GLCCI1: variants seen among roughly 807,000 people sequenced by gnomAD.
GLCCI1 encodes glucocorticoid induced 1, also known as glucocorticoid-induced transcript 1 protein.
A neutral mutation model predicts 52.2 loss-of-function variants in GLCCI1; 24 were observed. The observed-to-expected ratio is 0.46, with a 90% CI of 0.33 to 0.65. The LOEUF (loss-of-function observed/expected upper bound fraction) is 0.65, where lower values mean the gene tolerates loss of function less well. GLCCI1 is among the 30% of genes least tolerant of loss of function. The pLI is 0.02. For synonymous variants in GLCCI1, 310 were observed against 276.5 expected (o/e 1.12, Z -1.20); for missense variants, 704 against 701.5 (o/e 1.00, Z -0.04).
chr7:8,067,788 C>T (rs1259070021), intron 5 of GLCCI1, among the ~76,000 whole-genome samples: 1 of 152,110 alleles, frequency 6.6e-6, no homozygotes, highest in Admixed American at 6.5e-5. Flanking sequence ...AACATTTTTT[C>T]TTTCATTCCA....
chr7:8,022,433 G>A (rs752327471), intron 2 of GLCCI1, 50 bp from the exon 3 acceptor site: 42 of 1,023,948 alleles, frequency 4.1e-5, no homozygotes, highest in African/African-American at 5.1e-5. Flanking sequence ...CTTGAGATTA[G>A]GAAGTAGAGA....
rs115480121 is a variant in GLCCI1 at position 8,078,405 on chromosome 7, T to C, written c.1178-6492T>C. On this transcript the variant is annotated intron_variant, in intron 6 of 7. Coordinates refer to ENST00000223145, the MANE Select transcript of GLCCI1 (RefSeq NM_138426.4). ...ATAAGTAGCCATGTTAATAGTCTAG[T>C]CTTGTGATTTTCAAACTTGATTTAT... 8.3e-3 allele frequency among the ~76,000 whole-genome samples: 1,270 copies of C among 152,120 alleles called. 19 individuals carry two copies. The highest frequency in any genetic ancestry group is 0.028 in the African/African-American group (1,171 of 41,462).
chr7:8,078,126 C>T (rs528690205), intron 6 of GLCCI1, among the ~76,000 whole-genome samples: 4 of 143,280 alleles, frequency 2.8e-5, no homozygotes, highest in East Asian at 4.4e-4. Context: ...CCCAGCTACT[C>T]GGGAGGCTGA....
intron 1 of GLCCI1, 147 bp from the exon 2 acceptor site, chr7:8,003,761 T>C (rs1397719374): frequency 4.9e-6 from 3 of 617,274 alleles, no homozygotes; most frequent in Non-Finnish European, 8.1e-6. Flanking sequence ...TTCATACATT[T>C]CATCTGATCA....
chr7:8,052,109 A>AT lies in GLCCI1; in HGVS notation c.697-3313dup, dbSNP rs561763058. On this transcript the variant is annotated intron_variant, in intron 3 of 7. Coordinates refer to ENST00000223145, the MANE Select transcript of GLCCI1 (RefSeq NM_138426.4). ...GTAGATGTAGCCCCATTAGCATAAG[A>AT]TTTTTTTTTTTAAAGGGCAGTGTCT... 2.1e-3 allele frequency among the ~76,000 whole-genome samples: 309 copies of AT among 148,776 alleles called. 3 individuals are homozygous for AT. Among genetic ancestry groups the AT allele is most frequent in the African/African-American group, 5.6e-3 (228 of 40,716 alleles).
chr7:8,077,240 T>C (rs879063565), intron 6 of GLCCI1, among the ~76,000 whole-genome samples: 6 of 152,174 alleles, frequency 3.9e-5, no homozygotes, highest in Admixed American at 3.9e-4. Flanking sequence ...TCCTCCCCCA[T>C]TATCTTTTGT....
chr7:8,061,365 G>A (rs1233914235), intron 5 of GLCCI1, among the ~76,000 whole-genome samples: 1 of 152,154 alleles, frequency 6.6e-6, no homozygotes, highest in Non-Finnish European at 1.5e-5. Flanking sequence ...CTCCCAAAGT[G>A]CTGGGATTAC....
intron 3 of GLCCI1, among the ~76,000 whole-genome samples, chr7:8,040,038 A>G (rs954012369): frequency 2.0e-5 from 3 of 151,688 alleles, no homozygotes; most frequent in African/African-American, 7.3e-5. Context: ...TTCCCTACAC[A>G]ATATATCCAT....
chr7:7,985,399 T>C (rs1480517795), intron 1 of GLCCI1, among the ~76,000 whole-genome samples: 2 of 152,200 alleles, frequency 1.3e-5, no homozygotes, highest in Admixed American at 1.3e-4. Context: ...CACTTTTTCA[T>C]AATACTTTAG....
chr7:8,077,232 C>A (rs148900653), intron 6 of GLCCI1, among the ~76,000 whole-genome samples: 213 of 152,252 alleles, frequency 1.4e-3, no homozygotes, highest in African/African-American at 5.0e-3. Flanking sequence ...TGGAGTTTTC[C>A]TCCCCCATTA....
chr7:8,015,225 T>C (rs1781352246), intron 2 of GLCCI1, among the ~76,000 whole-genome samples: 1 of 152,240 alleles, frequency 6.6e-6, no homozygotes, highest in South Asian at 2.1e-4. Flanking sequence ...GGGAGGACTT[T>C]AGTCAAAGGA....
intron 1 of GLCCI1, among the ~76,000 whole-genome samples, chr7:7,994,836 A>G (rs1780907625): frequency 6.6e-6 from 1 of 152,234 alleles, no homozygotes; most frequent in Non-Finnish European, 1.5e-5. Context: ...TGGACAGAAA[A>G]TGCTACATAT....
intron 2 of GLCCI1, among the ~76,000 whole-genome samples, chr7:8,011,785 T>C (rs1781266698): frequency 6.6e-6 from 1 of 151,312 alleles, no homozygotes; most frequent in African/African-American, 2.4e-5. Context: ...GTCCAGTTGT[T>C]TTTTCTTGTT....
At chr7:7,984,458 T>C in intron 1 of GLCCI1, among the ~76,000 whole-genome samples, 1 of 150,078 alleles carries the variant, frequency 6.7e-6, no homozygotes, top group African/African-American at 2.4e-5. Flanking sequence ...CTAAAGACTG[T>C]GGTAATACTG....
chr7:8,069,454 C>G (rs932673244), intron 5 of GLCCI1, among the ~76,000 whole-genome samples: 3 of 152,170 alleles, frequency 2.0e-5, no homozygotes, highest in African/African-American at 4.8e-5. Flanking sequence ...TCGGTTGCCT[C>G]TGGGAGCTCC....
intron 6 of GLCCI1, among the ~76,000 whole-genome samples, chr7:8,077,971 A>G (rs2127967357): frequency 1.3e-5 from 2 of 152,170 alleles, no homozygotes; most frequent in South Asian, 4.2e-4. Context: ...GCGGTGGCTC[A>G]CGCCTGTAAT....
In GLCCI1 at chr7:8,035,245, T is replaced by A. The variant is rs7811734; in HGVS notation, c.696+12676T>A. Among the ~76,000 whole-genome samples, 521 of 152,294 alleles carry A rather than the reference T, an allele frequency of 3.4e-3. 4 individuals are homozygous for A. The highest frequency in any genetic ancestry group is 0.01 in the Middle Eastern group (3 of 294). ...TGTCCTTTGCCCGAGAACTCCCCAC[T>A]TGGCTGAGAGTGACTGCTACTTCCA... is the stretch of plus-strand genomic sequence containing the variant. On this transcript the variant is annotated intron_variant, in intron 3 of 7. Coordinates refer to ENST00000223145, the MANE Select transcript of GLCCI1 (RefSeq NM_138426.4).
At chr7:7,977,619 T>A in intron 1 of GLCCI1, among the ~76,000 whole-genome samples, 1 of 152,314 alleles carries the variant, frequency 6.6e-6, no homozygotes, top group Middle Eastern at 3.4e-3. Context: ...GCATCTTATC[T>A]TCTGTGTCTT....
chr7:8,038,883 G>A (rs940963716), intron 3 of GLCCI1, among the ~76,000 whole-genome samples: 1 of 152,020 alleles, frequency 6.6e-6, no homozygotes, highest in Admixed American at 6.6e-5. Context: ...CTAATGCACA[G>A]AATCTACAAG....
Sources: gnomAD v4.1 joint callset for allele counts (sites outside exome capture counted in the v4.1 genomes callset) on GRCh38, gnomAD v4.1.1 for gene constraint, MANE v1.5 for transcripts, NCBI Gene and HGNC (gene_info 2026-07-23, HGNC 2026-07-21) for gene names.